HS6ST2: variants seen among roughly 807,000 people sequenced by gnomAD.
The protein encoded by HS6ST2 is heparan sulfate 6-O-sulfotransferase 2.
Under a neutral mutation model 33.0 loss-of-function variants are expected in HS6ST2, and 17 were observed. The ratio of observed to expected loss-of-function variants is 0.52; its 90% CI spans 0.35 to 0.77. The LOEUF is 0.77. HS6ST2 is among the 30% of genes least tolerant of loss of function. The pLI, the probability that HS6ST2 is intolerant of heterozygous loss-of-function variation, is 0.01. For synonymous variants in HS6ST2, 248 were observed against 237.1 expected, an observed-to-expected ratio of 1.05 and a Z score of -0.42; for missense variants, 519 against 551.7, an observed-to-expected ratio of 0.94 and a Z score of 0.59.
At chrX:132,840,479 TTCTC>T (rs1197000145) in intron 2 of HS6ST2, among the ~76,000 whole-genome samples, 2 of 109,791 alleles carry the variant, frequency 1.8e-5, no homozygotes, top group African/African-American at 3.3e-5. Flanking sequence ...CTCCCTCCCT[TTCTC>T]TCTAAGTACC....
chrX:132,835,409 C>G (rs780058508), intron 2 of HS6ST2, among the ~76,000 whole-genome samples: 1 of 111,620 alleles, frequency 9.0e-6, no homozygotes, highest in Admixed American at 9.5e-5. Context: ...GCACCTCCCC[C>G]ACCTGTCTCT....
intron 2 of HS6ST2, among the ~76,000 whole-genome samples, chrX:132,843,857 C>T (rs2065727257): frequency 9.0e-6 from 1 of 111,512 alleles, no homozygotes; most frequent in South Asian, 3.8e-4. Flanking sequence ...CTGGGGAAGT[C>T]GCCTTAAGGA....
intron 2 of HS6ST2, among the ~76,000 whole-genome samples, chrX:132,850,598 A>G (rs923019646): frequency 9.0e-6 from 1 of 111,649 alleles, no homozygotes; most frequent in Non-Finnish European, 1.9e-5. Flanking sequence ...CTGGGGAGAC[A>G]GAAGAAAGGG....
At chrX:132,866,092 C>T (rs1447662964) in intron 2 of HS6ST2, among the ~76,000 whole-genome samples, 1 of 110,220 alleles carries the variant, frequency 9.1e-6, no homozygotes, top group African/African-American at 3.3e-5. Context: ...AGGTTTTCTT[C>T]TAGGGTTTTT....
intron 2 of HS6ST2, among the ~76,000 whole-genome samples, chrX:132,723,854 T>G (rs898519612): frequency 2.7e-5 from 3 of 112,055 alleles, no homozygotes; most frequent in African/African-American, 9.7e-5. Context: ...CTTGTAGTTT[T>G]GGCCAAGCAC....
chrX:132,650,698 C>A (rs772363093), intron 4 of HS6ST2, among the ~76,000 whole-genome samples: 1 of 107,696 alleles, frequency 9.3e-6, no homozygotes, highest in African/African-American at 3.4e-5. Flanking sequence ...CTCAACCCAC[C>A]CCTGCCCCAA....
intron 2 of HS6ST2, among the ~76,000 whole-genome samples, chrX:132,902,656 C>T (rs1004873105): frequency 8.9e-6 from 1 of 111,966 alleles, no homozygotes; most frequent in Non-Finnish European, 1.9e-5. Context: ...AACTGGGAAG[C>T]TTGTAGTCTT....
chrX:132,917,496 A>G (rs1052613582), intron 2 of HS6ST2, among the ~76,000 whole-genome samples: 1 of 110,090 alleles, frequency 9.1e-6, no homozygotes, highest in Non-Finnish European at 1.9e-5. Flanking sequence ...GCTACTTGGG[A>G]GGCTGAGGCA....
chrX:132,681,873 T>G (rs760711624), intron 3 of HS6ST2, among the ~76,000 whole-genome samples: 1 of 112,410 alleles, frequency 8.9e-6, no homozygotes, highest in South Asian at 3.8e-4. Flanking sequence ...ACTAAGCACT[T>G]TAATCACAGT....
intron 2 of HS6ST2, among the ~76,000 whole-genome samples, chrX:132,892,680 G>A (rs769537056): frequency 1.2e-4 from 13 of 111,510 alleles, no homozygotes; most frequent in Non-Finnish European, 1.3e-4. Context: ...TTAGTTGGGC[G>A]TGGGTGTGCA....
At chrX:132,951,373 T>C (rs1365265572) in intron 2 of HS6ST2, among the ~76,000 whole-genome samples, 1 of 110,876 alleles carries the variant, frequency 9.0e-6, no homozygotes, top group African/African-American at 3.3e-5. Flanking sequence ...GTGAGGTTGC[T>C]GGACCTCAAA....
chrX:132,812,449 T>TAA lies in HS6ST2; in HGVS notation c.948-103957_948-103956dup, dbSNP rs1301084944. On this transcript the variant is annotated intron_variant, in intron 2 of 4. Transcript: ENST00000370833. Reference sequence around the variant, plus strand: ...AATAATAATAATAATAATAATAAAATAATAATAATAATGGCCATCCTAATG... The same window carrying TAA: ...AATAATAATAATAATAATAATAAAATAAAATAATAATAATGGCCATCCTAATG... 4.7e-5 allele frequency among the ~76,000 whole-genome samples: 4 copies of TAA among 84,247 alleles called. No homozygotes were observed. In the East Asian group the frequency reaches 1.7e-3, roughly 36 times the overall value. 73.2% of individuals were successfully genotyped at this position (84,247 alleles called of 115,157 possible). A position where few individuals can be genotyped will look rare whatever the true frequency, so the allele number is the denominator to read the frequency against.
intron 2 of HS6ST2, among the ~76,000 whole-genome samples, chrX:132,895,581 T>C (rs1283543963): frequency 3.6e-5 from 4 of 111,911 alleles, no homozygotes; most frequent in Non-Finnish European, 3.8e-5. Flanking sequence ...CTGTGCTTTA[T>C]GCGTGTCAGG....
At chrX:132,729,048 G>C (rs1465742331) in intron 2 of HS6ST2, among the ~76,000 whole-genome samples, 1 of 111,951 alleles carries the variant, frequency 8.9e-6, no homozygotes, top group Admixed American at 9.4e-5. Flanking sequence ...CATGTGCTAA[G>C]ACTGTCACTG....
At chrX:132,812,845 T>C (rs1001070432) in intron 2 of HS6ST2, among the ~76,000 whole-genome samples, 3 of 110,817 alleles carry the variant, frequency 2.7e-5, no homozygotes, top group Non-Finnish European at 5.7e-5. Context: ...AGTCCATAGC[T>C]AACCATCTCT....
At chrX:132,804,542 G>A (rs920757606) in intron 2 of HS6ST2, among the ~76,000 whole-genome samples, 2 of 112,489 alleles carry the variant, frequency 1.8e-5, no homozygotes, top group Non-Finnish European at 3.8e-5. Context: ...GTTCACACCT[G>A]TAATCCCAGC....
chrX:132,958,106 T>C lies in HS6ST2; in HGVS notation c.428+69A>G, dbSNP rs2067107442. 2.9e-6 allele frequency: 3 copies of C among 1,017,753 alleles called. No homozygotes were observed. The East Asian group carries it at 1.0e-4, about 35-fold the overall frequency. The allele number at this position is 1,017,753 out of a possible 1,213,427, so 83.9% of individuals were successfully genotyped here. A position where few individuals can be genotyped will look rare whatever the true frequency, so the allele number is the denominator to read the frequency against. ...CCCTTCTCTACCCCCCGCGGCTGCC[T>C]TCCCTCCCCGTACAGCACCTTCGCG... On this transcript the variant is annotated intron_variant, in intron 1 of 4. Transcript: ENST00000370833.
rs141429690 is a variant in HS6ST2, at chrX:132,743,253, C to T, written c.948-34759G>A. 5.3e-3 allele frequency among the ~76,000 whole-genome samples: 599 copies of T among 112,342 alleles called. 4 individuals carry two copies. Among genetic ancestry groups the T allele is most frequent in the African/African-American group, 0.017 (539 of 30,945 alleles). ...AGCTGGGGGAGACCTGGTTTCACAG[C>T]AGGCCTTACAATAGGACCTTGGGGC... is the stretch of plus-strand genomic sequence containing the variant. On this transcript the variant is annotated intron_variant, in intron 2 of 4. Coordinates refer to ENST00000370833, the MANE Select transcript of HS6ST2 (RefSeq NM_001394073.1).
intron 4 of HS6ST2, among the ~76,000 whole-genome samples, chrX:132,631,626 A>G (rs2063518123): frequency 9.0e-6 from 1 of 110,579 alleles, no homozygotes; most frequent in South Asian, 3.9e-4. Flanking sequence ...AAAGAAATTT[A>G]TTAAGGTCTG....
Sources: allele counts gnomAD v4.1 joint callset (sites outside exome capture counted in the v4.1 genomes callset), GRCh38; gene constraint gnomAD v4.1.1; transcripts MANE v1.5; gene names NCBI Gene and HGNC (gene_info 2026-07-23, HGNC 2026-07-21).